CTBP1: variants seen among roughly 807,000 people sequenced by gnomAD.
CTBP1 encodes C-terminal-binding protein 1.
A neutral mutation model predicts 42.1 loss-of-function variants in CTBP1; 11 were observed. The observed-to-expected ratio is 0.26, with a 90% CI of 0.16 to 0.43. The LOEUF (loss-of-function observed/expected upper bound fraction) is 0.43. CTBP1 is among the 20% of genes least tolerant of loss of function. CTBP1 has a pLI of 1.00. For missense variants in CTBP1, 399 were observed against 624.3 expected (o/e 0.64, Z 3.85); for synonymous variants, 324 against 277.1 (o/e 1.17, Z -1.68).
In CTBP1 at chr4:1,216,189, T is replaced by A. The variant is rs772801359; in HGVS notation, c.531A>T (p.Ala177=). 2 of 1,610,322 alleles carry A rather than the reference T, an allele frequency of 1.2e-6. No homozygotes were observed. Among genetic ancestry groups the A allele is most frequent in the African/African-American group, 2.7e-5 (2 of 74,992 alleles). ...GIIGLGRVGQ[A]VALRAKAFGF... ...CGAAGGCCTTGGCCCGCAGCGCCAC[T>A]GCCTGCCCCACGCGACCTGGTGGCG... Residue 177 remains alanine (A), a synonymous_variant, in exon 6 of 10, where the codon GCA becomes GCT. Coordinates refer to ENST00000382952, the MANE Select transcript of CTBP1 (RefSeq NM_001012614.2).
intron 5 of CTBP1, 106 bp from the exon 6 acceptor site, chr4:1,216,311 G>T: frequency 7.0e-6 from 8 of 1,139,312 alleles, no homozygotes; most frequent in Non-Finnish European, 9.9e-6. Context: ...TTGACCATCT[G>T]CCAAGGATGA....
At chr4:1,241,626 C>T in intron 1 of CTBP1, 107 bp from the exon 2 acceptor site, 1 of 1,412,788 alleles carries the variant, frequency 7.1e-7, no homozygotes, top group East Asian at 3.2e-5. Context: ...ATCTGCCACA[C>T]CCGGGACTGC....
At position 1,241,461 on chromosome 4, in the gene CTBP1, A is replaced by AGT. The variant is rs964040804; in HGVS notation, c.-132_-131dup. On this transcript the variant is annotated 5_prime_UTR_variant, in exon 2 of 10. Coordinates refer to ENST00000382952, the MANE Select transcript of CTBP1 (RefSeq NM_001012614.2). ...CACGTCCTTAATTGTCTCGAGCCAA[A>AGT]GTGCTCAGGCTTCTGATCCGCGGCA... is the stretch of plus-strand genomic sequence containing the variant. 1 of 1,602,152 alleles carries AGT rather than the reference A, an allele frequency of 6.2e-7. No individual in the cohort carries two copies.
chr4:1,228,803 C>T (rs187208526), intron 3 of CTBP1, among the ~76,000 whole-genome samples: 101 of 152,236 alleles, frequency 6.6e-4, no homozygotes, highest in African/African-American at 2.3e-3. Context: ...CCTGCAGGCC[C>T]GGGGATGCAG....
In CTBP1 at chr4:1,235,996, G is replaced by A. The variant is rs1426003731; in HGVS notation, c.162+2187C>T. The stretch of plus-strand genomic sequence containing the variant: ...CAGAGTCCAGGTCACCCTCACTCCA[G>A]ATGTCACCTTTCAGGCCATGGATAT... On this transcript the variant is annotated intron_variant, in intron 3 of 9. Coordinates refer to ENST00000382952, the MANE Select transcript of CTBP1 (RefSeq NM_001012614.2). The surrounding 1 kb of genome is among the most constrained non-coding windows in gnomAD (Gnocchi z 4.2). 6.6e-6 allele frequency: 1 copy of A among 152,486 alleles called. No individual in the cohort carries two copies. Among genetic ancestry groups the A allele is most frequent in the African/African-American group, 2.4e-5 (1 of 41,452 alleles). 9.4% of individuals were successfully genotyped at this position (152,486 alleles called of 1,614,324 possible). A position where few individuals can be genotyped will look rare whatever the true frequency, so the allele number is the denominator to read the frequency against.
intron 5 of CTBP1, chr4:1,223,472 C>T (rs750801884): frequency 3.1e-5 from 14 of 456,034 alleles, no homozygotes; most frequent in South Asian, 9.3e-5. Flanking sequence ...ATTCCCCAAA[C>T]GCTGGCGGGA....
rs1731147577 is a variant in CTBP1, at chr4:1,233,234, A to G, written c.163-4891T>C. ...GGGCTCCAGGCCTGTCCTACACTCC[A>G]TTACCATGACAACGCCAGCTTGTGT... On this transcript the variant is annotated intron_variant, in intron 3 of 9. Transcript: ENST00000382952. The surrounding 1 kb of genome is among the most constrained non-coding windows in gnomAD (Gnocchi z 4.6). 6.6e-6 allele frequency: 1 copy of G among 152,074 alleles called. No homozygotes were observed. The highest frequency in any genetic ancestry group is 2.4e-5 in the African/African-American group (1 of 41,380). 9.4% of individuals were successfully genotyped at this position (152,074 alleles called of 1,614,324 possible). A position where few individuals can be genotyped will look rare whatever the true frequency, so the allele number is the denominator to read the frequency against.
At chr4:1,242,298 TG>T (rs1196430922) in intron 1 of CTBP1, 2 of 985,172 alleles carry the variant, frequency 2.0e-6, no homozygotes, top group African/African-American at 3.5e-5. Context: ...ACCTGGCCCC[TG>T]CTCTGGCATG....
Position 1,212,395 on chromosome 4 carries a change from G to C in CTBP1, c.1135C>G (p.Pro379Ala). Reference protein sequence around the residue: ...RYPPGVVGVAPTGIPAAVEGI... With the variant: ...RYPPGVVGVAATGIPAAVEGI... ...TCCACAGCAGCTGGGATGCCAGTGG[G>C]GGCCACGCCCACCACGCCCGGAGGG... Residue 379 changes from proline (P) to alanine (A), a missense_variant, in exon 10 of 10, where the codon CCC (proline) becomes GCC (alanine). Transcript: ENST00000382952. 1 of 1,487,668 alleles carries C rather than the reference G, an allele frequency of 6.7e-7. No individual in the cohort carries two copies. Among genetic ancestry groups the C allele is most frequent in the Non-Finnish European group, 8.9e-7 (1 of 1,122,714 alleles). The allele number at this position is 1,487,668 out of a possible 1,614,324, so 92.2% of individuals were successfully genotyped here. A position where few individuals can be genotyped will look rare whatever the true frequency, so the allele number is the denominator to read the frequency against.
intron 1 of CTBP1, 179 bp from the exon 2 acceptor site, chr4:1,241,698 A>G (rs1034708066): frequency 8.0e-7 from 1 of 1,246,252 alleles, no homozygotes; most frequent in African/African-American, 1.5e-5. Flanking sequence ...CTCCTGCCGC[A>G]CACACGAAGG....
chr4:1,230,861 T>C (rs932855964), intron 3 of CTBP1, among the ~76,000 whole-genome samples: 3 of 152,248 alleles, frequency 2.0e-5, no homozygotes, highest in Non-Finnish European at 4.4e-5. Context: ...AGCCGAAGCG[T>C]GCGCCGGCCA....
chr4:1,237,033 T>C (rs1731588731), intron 3 of CTBP1: 1 of 671,016 alleles, frequency 1.5e-6, no homozygotes, highest in African/African-American at 1.8e-5. Flanking sequence ...AGTGTCCACC[T>C]CCTGATGGCG....
intron 4 of CTBP1, among the ~76,000 whole-genome samples, chr4:1,227,080 A>G (rs1338916989): frequency 6.6e-6 from 1 of 152,044 alleles, no homozygotes; most frequent in Admixed American, 6.6e-5. Context: ...AGTGCGCTCC[A>G]AGCAGGACGG....
At chr4:1,213,790 G>A in intron 7 of CTBP1, 185 bp from the exon 8 acceptor site, 1 of 700,170 alleles carries the variant, frequency 1.4e-6, no homozygotes. Flanking sequence ...AGACACACCA[G>A]GGGCTCCTGA....
intron 3 of CTBP1, among the ~76,000 whole-genome samples, chr4:1,230,289 A>G (rs1417127193): frequency 6.6e-6 from 1 of 152,198 alleles, no homozygotes; most frequent in African/African-American, 2.4e-5. Context: ...GCTGTGGTGG[A>G]GGCGAGCGGT....
intron 3 of CTBP1, among the ~76,000 whole-genome samples, chr4:1,231,811 C>T (rs150857386): frequency 6.6e-5 from 10 of 152,342 alleles, no homozygotes; most frequent in East Asian, 3.9e-4. Context: ...CCATCGAGAC[C>T]GGCACGGCCG....
At chr4:1,212,866 G>T in intron 9 of CTBP1, 47 bp downstream of exon 9, 1 of 1,507,096 alleles carries the variant, frequency 6.6e-7, no homozygotes, top group Non-Finnish European at 9.2e-7. Flanking sequence ...TCCAGGGGAA[G>T]CCTGGGGCCC....
Position 1,212,403 on chromosome 4 carries a change from C to A in CTBP1, c.1127G>T (p.Gly376Val). ...AGCTGGGATGCCAGTGGGGGCCACG[C>A]CCACCACGCCCGGAGGGTACCTGCT... ...AAYRYPPGVV[G>V]VAPTGIPAAV... The change falls in exon 10 of 10, where the codon GGC becomes GTC. Residue 376 changes from glycine (G) to valine (V), a missense_variant. By Grantham distance (109) the Gly-to-Val change is moderately radical (BLOSUM62 -3). Around this residue, in one of 4 missense-constraint regions of CTBP1, gnomAD observed 309 missense variants for 497.5 expected, o/e 0.62. Transcript: ENST00000382952. 6.8e-7 allele frequency: 1 copy of A among 1,472,660 alleles called. No homozygotes were observed. 91.2% of individuals were successfully genotyped at this position (1,472,660 alleles called of 1,614,324 possible).
Position 1,237,745 on chromosome 4 carries a change from C to G in CTBP1, c.162+438G>C, listed in dbSNP as rs1478157409. The G allele has an allele frequency of 1.1e-5, 8 of 698,558 alleles. No homozygotes were observed. In the South Asian group the frequency reaches 1.2e-4, roughly 10 times the overall value. The allele number at this position is 698,558 out of a possible 1,614,324, so 43.3% of individuals were successfully genotyped here. A position where few individuals can be genotyped will look rare whatever the true frequency, so the allele number is the denominator to read the frequency against. ...CTCCTGATGGGGCTCAGGGAAAACC[C>G]CGTGTCCACCTCCTGATGGGGCTCA... On this transcript the variant is annotated intron_variant, in intron 3 of 9. Coordinates refer to ENST00000382952, the MANE Select transcript of CTBP1 (RefSeq NM_001012614.2).
Sources: allele counts gnomAD v4.1 joint callset (sites outside exome capture counted in the v4.1 genomes callset), GRCh38; gene constraint gnomAD v4.1.1; regional missense constraint gnomAD v4.1.1; non-coding constraint Gnocchi (gnomAD v3.1); transcripts MANE v1.5; gene names NCBI Gene and HGNC (gene_info 2026-07-23, HGNC 2026-07-21).